Variants in TBC1D2B observed in about 807,000 individuals in gnomAD.
TBC1D2B encodes the protein TBC1 domain family member 2B.
A neutral mutation model predicts 100.8 loss-of-function variants in TBC1D2B; 64 were observed. The observed-to-expected ratio is 0.64, with a 90% CI of 0.52 to 0.78. The LOEUF (loss-of-function observed/expected upper bound fraction) is 0.78. TBC1D2B is among the 30% of genes least tolerant of loss of function. TBC1D2B has a pLI of 0.00. For synonymous variants in TBC1D2B, 480 were observed against 479.7 expected, an observed-to-expected ratio of 1.00 and a Z score of -0.01; for missense variants, 1,052 against 1,218.4, an observed-to-expected ratio of 0.86 and a Z score of 2.03.
intron 2 of TBC1D2B, among the ~76,000 whole-genome samples, chr15:78,045,900 TA>T (rs2073184334): frequency 1.3e-5 from 2 of 152,230 alleles, no homozygotes; most frequent in Non-Finnish European, 2.9e-5. Flanking sequence ...AAAAGTTACT[TA>T]AAATTTTTTT....
intron 9 of TBC1D2B, among the ~76,000 whole-genome samples, chr15:78,009,868 G>GATAC (rs2072174935): frequency 6.6e-6 from 1 of 151,670 alleles, no homozygotes; most frequent in South Asian, 2.1e-4. Context: ...CAAGCTACCT[G>GATAC]GGAGGCTGAG....
Position 78,073,034 on chromosome 15 carries a change from C to T in TBC1D2B, c.360+4259G>A, listed in dbSNP as rs573756525. Among the ~76,000 whole-genome samples the T allele has an allele frequency of 3.3e-5, 5 of 152,242 alleles. No homozygotes were observed. The South Asian group carries it at 1.0e-3, about 32-fold the overall frequency. On this transcript the variant is annotated intron_variant, in intron 1 of 12. Coordinates refer to ENST00000300584, the MANE Select transcript of TBC1D2B (RefSeq NM_144572.2). The stretch of plus-strand genomic sequence containing the variant: ...GACTACTACTACGCCTTATCCGATC[C>T]CCAACAAAGTCAAAAAAAAGCAGAC...
At chr15:78,035,010 G>A (rs1250326569) in intron 3 of TBC1D2B, among the ~76,000 whole-genome samples, 2 of 152,142 alleles carry the variant, frequency 1.3e-5, no homozygotes, top group Non-Finnish European at 2.9e-5. Flanking sequence ...GCTGGTGTTA[G>A]AGGCTGTTCT....
intron 3 of TBC1D2B, among the ~76,000 whole-genome samples, chr15:78,041,699 A>C (rs547012244): frequency 6.6e-6 from 1 of 152,322 alleles, no homozygotes; most frequent in African/African-American, 2.4e-5. Context: ...GTAAAAACAA[A>C]CAAAAGAAAA....
intron 1 of TBC1D2B, among the ~76,000 whole-genome samples, chr15:78,067,535 T>C (rs946874634): frequency 5.9e-5 from 9 of 152,136 alleles, no homozygotes; most frequent in Non-Finnish European, 2.9e-5. Flanking sequence ...ATTCCTATAA[T>C]CCAAGATCAA....
At chr15:78,039,488 G>C (rs2073024181) in intron 3 of TBC1D2B, among the ~76,000 whole-genome samples, 1 of 152,154 alleles carries the variant, frequency 6.6e-6, no homozygotes, top group Non-Finnish European at 1.5e-5. Context: ...TGGGAGGCAG[G>C]CCTGGAAGGA....
At chr15:78,054,688 C>CA (rs1023884821) in intron 1 of TBC1D2B, among the ~76,000 whole-genome samples, 1 of 152,154 alleles carries the variant, frequency 6.6e-6, no homozygotes, top group Non-Finnish European at 1.5e-5. Flanking sequence ...TTGACAATGC[C>CA]AAGTGCTGAC....
chr15:77,998,293 C>G lies in TBC1D2B; in HGVS notation c.2759G>C (p.Arg920Pro). The G allele has an allele frequency of 6.3e-7, 1 of 1,585,626 alleles. No homozygotes were observed. Among genetic ancestry groups the G allele is most frequent in the Non-Finnish European group, 8.6e-7 (1 of 1,161,378 alleles). The change falls in exon 13 of 13, where the codon CGA (arginine) becomes CCA (proline). Residue 920 changes from arginine to proline, a missense_variant. By Grantham distance (103) the Arg-to-Pro change is moderately radical. Transcript: ENST00000300584. ...NPFPLRQIRNRRAYHLEKVRL... is the reference protein window; with the variant it reads ...NPFPLRQIRNPRAYHLEKVRL... ...GACTTTCTCCAAGTGGTAGGCGCGT[C>G]GGTTCCGGATCTGGCGTAGGGGGAA...
At chr15:78,063,952 G>C (rs1035216479) in intron 1 of TBC1D2B, among the ~76,000 whole-genome samples, 4 of 152,050 alleles carry the variant, frequency 2.6e-5, no homozygotes, top group Non-Finnish European at 5.9e-5. Flanking sequence ...TGGACTTGCT[G>C]TCTCAGTCTC....
At chr15:78,069,452 T>G (rs1384632687) in intron 1 of TBC1D2B, among the ~76,000 whole-genome samples, 1 of 152,210 alleles carries the variant, frequency 6.6e-6, no homozygotes, top group African/African-American at 2.4e-5. Flanking sequence ...TGCCAGTACA[T>G]AACATATAAA....
rs185992849 is a variant in TBC1D2B, at chr15:78,004,150, G to A, written c.2389-660C>T. ...AATGAGGCTTATATAAACTACCTGC[G>A]CACGACAGACGAGCAATACCTGGTT... On this transcript the variant is annotated intron_variant, in intron 10 of 12. Coordinates refer to ENST00000300584, the MANE Select transcript of TBC1D2B (RefSeq NM_144572.2). 5.3e-5 allele frequency among the ~76,000 whole-genome samples: 8 copies of A among 152,286 alleles called. No individual in the cohort carries two copies. The East Asian group carries it at 5.8e-4, about 11-fold the overall frequency.
intron 1 of TBC1D2B, among the ~76,000 whole-genome samples, chr15:78,061,909 C>A (rs1228395188): frequency 6.6e-6 from 1 of 152,122 alleles, no homozygotes; most frequent in Non-Finnish European, 1.5e-5. Context: ...TTAAATCAAG[C>A]AATGTGGCAC....
At chr15:78,068,522 A>C (rs2073697816) in intron 1 of TBC1D2B, among the ~76,000 whole-genome samples, 1 of 152,128 alleles carries the variant, frequency 6.6e-6, no homozygotes, top group South Asian at 2.1e-4. Flanking sequence ...ACACTGACAA[A>C]ATATCCTAGG....
intron 10 of TBC1D2B, among the ~76,000 whole-genome samples, chr15:78,004,973 G>T (rs2072027153): frequency 6.6e-6 from 1 of 152,230 alleles, no homozygotes; most frequent in Non-Finnish European, 1.5e-5. Flanking sequence ...TTCAGGAGCT[G>T]TAAAGTGGCA....
chr15:78,065,969 A>G (rs954637023), intron 1 of TBC1D2B: 6 of 470,364 alleles, frequency 1.3e-5, no homozygotes, highest in East Asian at 7.0e-5. Flanking sequence ...TGGTCGTCCT[A>G]TATCATTGTT....
chr15:78,047,849 A>T (rs1047235525), intron 2 of TBC1D2B, among the ~76,000 whole-genome samples: 2 of 152,214 alleles, frequency 1.3e-5, no homozygotes, highest in African/African-American at 4.8e-5. Flanking sequence ...ACCATGTGTC[A>T]GTCTACAGGC....
intron 8 of TBC1D2B, among the ~76,000 whole-genome samples, chr15:78,015,666 A>T (rs1596310634): frequency 6.6e-6 from 1 of 152,204 alleles, no homozygotes; most frequent in Non-Finnish European, 1.5e-5. Context: ...TGGGCAAGTT[A>T]TATCACTTCC....
intron 2 of TBC1D2B, among the ~76,000 whole-genome samples, chr15:78,045,425 T>C (rs1459914227): frequency 6.6e-6 from 1 of 152,210 alleles, no homozygotes; most frequent in East Asian, 1.9e-4. Flanking sequence ...TAAGAAACAA[T>C]TTCCAGGATA....
chr15:78,013,441 A>T, intron 8 of TBC1D2B, 124 bp from the exon 9 acceptor site: 1 of 921,178 alleles, frequency 1.1e-6, no homozygotes, highest in Non-Finnish European at 1.6e-6. Flanking sequence ...TATGAGAAGC[A>T]TTTCAAATCA....
Sources: gnomAD v4.1 joint callset for allele counts (sites outside exome capture counted in the v4.1 genomes callset) on GRCh38, gnomAD v4.1.1 for gene constraint, MANE v1.5 for transcripts, NCBI Gene and HGNC (gene_info 2026-07-23, HGNC 2026-07-21) for gene names.